The following ADCK1 variants were observed in gnomAD, a reference collection of about 807,000 sequenced individuals.
ADCK1 encodes the protein aarF domain-containing protein kinase 1.
ADCK1 carries 41 observed loss-of-function variants against 52.3 expected under a neutral mutation model. The ratio of observed to expected loss-of-function variants is 0.78; its 90% CI spans 0.61 to 1.02. ADCK1 has a LOEUF of 1.02. Ranked by LOEUF, ADCK1 falls within the 50% of genes least tolerant of loss-of-function variation. The pLI is 0.00. For missense variants in ADCK1, 658 were observed against 679.5 expected (o/e 0.97, Z 0.35); for synonymous variants, 250 against 274.6 (o/e 0.91, Z 0.89).
chr14:77,881,618 T>C (rs1237558825), intron 4 of ADCK1, among the ~76,000 whole-genome samples: 1 of 152,246 alleles, frequency 6.6e-6, no homozygotes, highest in Non-Finnish European at 1.5e-5. Flanking sequence ...GTCACTTCCA[T>C]GCTTAGGACA....
At chr14:77,920,691 C>G (rs901581234) in intron 7 of ADCK1, among the ~76,000 whole-genome samples, 6 of 152,148 alleles carry the variant, frequency 3.9e-5, no homozygotes, top group African/African-American at 1.4e-4. Context: ...CTGTATCACC[C>G]AGGCTGGAGT....
At chr14:77,826,305 A>G (rs554093121) in intron 3 of ADCK1, among the ~76,000 whole-genome samples, 1 of 152,348 alleles carries the variant, frequency 6.6e-6, no homozygotes, top group Non-Finnish European at 1.5e-5. Context: ...AGTGAAGGGT[A>G]AAACATAGTT....
intron 1 of ADCK1, among the ~76,000 whole-genome samples, chr14:77,817,835 A>C (rs919917160): frequency 6.6e-6 from 1 of 151,364 alleles, no homozygotes; most frequent in African/African-American, 2.4e-5. Context: ...TTCCGGGTTC[A>C]CGCCATTCTC....
chr14:77,837,654 C>G, intron 3 of ADCK1, among the ~76,000 whole-genome samples: 1 of 152,196 alleles, frequency 6.6e-6, no homozygotes, highest in East Asian at 1.9e-4. Flanking sequence ...GATGAGCTCC[C>G]AGGGTTCCTC....
chr14:77,902,678 C>T (rs1388964923), intron 6 of ADCK1: 1 of 152,230 alleles, frequency 6.6e-6, no homozygotes, highest in Non-Finnish European at 1.5e-5. Context: ...AGCACCATGA[C>T]AGGCATTCAT....
intron 2 of ADCK1, 73 bp from the exon 3 acceptor site, chr14:77,822,362 C>A: frequency 8.0e-7 from 1 of 1,245,856 alleles, no homozygotes; most frequent in Non-Finnish European, 1.2e-6. Flanking sequence ...GGGACCTGTA[C>A]TGCAAGGTTT....
At chr14:77,816,790 C>G (rs2081460090) in intron 1 of ADCK1, among the ~76,000 whole-genome samples, 1 of 150,144 alleles carries the variant, frequency 6.7e-6, no homozygotes, top group African/African-American at 2.4e-5. Flanking sequence ...GGACTTGTGA[C>G]TGATGTTGTG....
At chr14:77,881,004 A>T (rs1441658006) in intron 4 of ADCK1, among the ~76,000 whole-genome samples, 1 of 152,248 alleles carries the variant, frequency 6.6e-6, no homozygotes, top group Admixed American at 6.5e-5. Flanking sequence ...CCAAGGCACC[A>T]TCTGGGATCA....
chr14:77,913,599 A>G (rs897146605), intron 7 of ADCK1, among the ~76,000 whole-genome samples: 1 of 152,160 alleles, frequency 6.6e-6, no homozygotes, highest in Non-Finnish European at 1.5e-5. Flanking sequence ...CAGAACAACT[A>G]TTGATTGCTG....
At chr14:77,833,067 G>C (rs1315911341) in intron 3 of ADCK1, among the ~76,000 whole-genome samples, 3 of 152,174 alleles carry the variant, frequency 2.0e-5, no homozygotes, top group Non-Finnish European at 2.9e-5. Context: ...TTGGGGGTAG[G>C]GGGGCAGAAG....
intron 8 of ADCK1, 22 bp from the exon 9 acceptor site, chr14:77,925,742 A>G: frequency 3.7e-6 from 6 of 1,613,254 alleles, no homozygotes; most frequent in Middle Eastern, 1.6e-4. Context: ...CTTAGGTCCC[A>G]CCGCTGCCGC....
intron 8 of ADCK1, 59 bp from the exon 9 acceptor site, chr14:77,925,705 A>G: frequency 1.3e-6 from 2 of 1,561,024 alleles, no homozygotes; most frequent in Admixed American, 3.4e-5. Flanking sequence ...TCAGCCAGGG[A>G]CTTGGGCCTT....
intron 4 of ADCK1, among the ~76,000 whole-genome samples, chr14:77,866,087 T>A (rs1214643057): frequency 6.6e-6 from 1 of 152,204 alleles, no homozygotes; most frequent in African/African-American, 2.4e-5. Flanking sequence ...ATTTTGTTGC[T>A]GTGTGAACAT....
At chr14:77,829,957 A>G (rs1210645332) in intron 3 of ADCK1, among the ~76,000 whole-genome samples, 1 of 151,096 alleles carries the variant, frequency 6.6e-6, no homozygotes, top group South Asian at 2.1e-4. Context: ...AGATTAATTC[A>G]ATGTTACTGG....
At chr14:77,824,847 G>T (rs1226603761) in intron 3 of ADCK1, among the ~76,000 whole-genome samples, 1 of 152,080 alleles carries the variant, frequency 6.6e-6, no homozygotes, top group African/African-American at 2.4e-5. Flanking sequence ...ACATTTCGTC[G>T]CTCTCCCTCT....
At chr14:77,807,486 C>T (rs1470429741) in intron 1 of ADCK1, among the ~76,000 whole-genome samples, 12 of 151,510 alleles carry the variant, frequency 7.9e-5, no homozygotes, top group Admixed American at 2.0e-4. Flanking sequence ...GGATTACAGC[C>T]GTGCGCCACC....
intron 7 of ADCK1, among the ~76,000 whole-genome samples, chr14:77,920,218 A>G (rs1353856852): frequency 6.6e-6 from 1 of 152,058 alleles, no homozygotes; most frequent in Non-Finnish European, 1.5e-5. Context: ...TATCTTCTAG[A>G]TTTTTTATGG....
intron 3 of ADCK1, among the ~76,000 whole-genome samples, chr14:77,842,449 TTCCTTCCTTCCTTCCTTCCTTCC>T (rs1250877618): frequency 7.3e-5 from 3 of 41,188 alleles, no homozygotes; most frequent in Admixed American, 2.8e-4. Flanking sequence ...GTATTTTTTT[TTCCTTCCTTCCTTCCTTCCTTCC>T]TTCCTTCCTT....
intron 1 of ADCK1, among the ~76,000 whole-genome samples, chr14:77,805,187 C>T (rs560866159): frequency 1.1e-4 from 11 of 103,422 alleles, no homozygotes; most frequent in African/African-American, 4.1e-4. Flanking sequence ...GCCTGGGCAA[C>T]AAGAGTGAGA....
Sources: allele counts gnomAD v4.1 joint callset (sites outside exome capture counted in the v4.1 genomes callset), GRCh38; gene constraint gnomAD v4.1.1; transcripts MANE v1.5; gene names NCBI Gene and HGNC (gene_info 2026-07-23, HGNC 2026-07-21).